RIC3: variants seen among roughly 807,000 people sequenced by gnomAD.
RIC3 encodes protein RIC-3.
RIC3 carries 28 observed loss-of-function variants against 27.3 expected under a neutral mutation model. That is an observed-to-expected ratio of 1.02 (90% CI 0.76 to 1.41). The LOEUF (loss-of-function observed/expected upper bound fraction) is 1.41. Among genes scored for constraint, RIC3 ranks in the 40% most tolerant of loss-of-function variants. The probability of loss-of-function intolerance (pLI) is 0.00; values close to 1 mark genes in which losing one functional copy is unlikely to be tolerated. For synonymous variants in RIC3, 184 were observed against 160.4 expected, an observed-to-expected ratio of 1.15 and a Z score of -1.11; for missense variants, 501 against 444.7, an observed-to-expected ratio of 1.13 and a Z score of -1.14.
At chr11:8,131,485 A>C (rs1947696705) in intron 4 of RIC3, among the ~76,000 whole-genome samples, 1 of 152,204 alleles carries the variant, frequency 6.6e-6, no homozygotes, top group African/African-American at 2.4e-5. Flanking sequence ...TTATATGATG[A>C]GGCTAAAGGT....
intron 5 of RIC3, among the ~76,000 whole-genome samples, chr11:8,112,076 C>T (rs1224598684): frequency 6.6e-6 from 1 of 152,104 alleles, no homozygotes; most frequent in Admixed American, 6.5e-5. Flanking sequence ...TTTTTTGGTG[C>T]AATGTAGGGT....
At chr11:8,167,062 A>G (rs986041429) in intron 1 of RIC3, among the ~76,000 whole-genome samples, 13 of 152,218 alleles carry the variant, frequency 8.5e-5, no homozygotes, top group Non-Finnish European at 2.9e-5. Flanking sequence ...TGTACCATTC[A>G]AGGTAAGTTT....
At chr11:8,155,791 C>A (rs1440225025) in intron 1 of RIC3, among the ~76,000 whole-genome samples, 1 of 151,952 alleles carries the variant, frequency 6.6e-6, no homozygotes, top group Non-Finnish European at 1.5e-5. Context: ...ATAGAAACAG[C>A]GGTTCAAGAA....
chr11:8,163,058 C>T (rs1196765345), intron 1 of RIC3, among the ~76,000 whole-genome samples: 2 of 149,214 alleles, frequency 1.3e-5, no homozygotes, highest in Non-Finnish European at 3.0e-5. Context: ...CACATACACA[C>T]ACACACACAC....
chr11:8,139,636 ATTTTTTTTTTTT>A (rs72265360), intron 2 of RIC3: 968 of 92,724 alleles, frequency 0.01, 18 homozygotes, highest in Non-Finnish European at 0.015. Flanking sequence ...AAAGATGTTA[ATTTTTTTTTTTT>A]TTTTTTTTTT....
At chr11:8,138,402 G>T in intron 2 of RIC3, 55 bp from the exon 3 acceptor site, 1 of 1,126,000 alleles carries the variant, frequency 8.9e-7, no homozygotes, top group Non-Finnish European at 1.3e-6. Context: ...CTCAGTCACG[G>T]AACCCCTCAT....
intron 5 of RIC3, among the ~76,000 whole-genome samples, chr11:8,114,241 A>T (rs1387887241): frequency 6.6e-6 from 1 of 152,216 alleles, no homozygotes; most frequent in East Asian, 1.9e-4. Flanking sequence ...AGCCATGAGG[A>T]TCAAGAACAA....
chr11:8,101,864 A>T, downstream of RIC3: 1 of 554,434 alleles, frequency 1.8e-6, no homozygotes, highest in Non-Finnish European at 3.1e-6. Context: ...ATGCCACGAG[A>T]TCAACACACA....
At chr11:8,095,365 A>G in the RIC3 span, 1 of 893,536 alleles carries the variant, frequency 1.1e-6, no homozygotes, top group Non-Finnish European at 1.7e-6. Flanking sequence ...TTAGTTTTAT[A>G]AAAATCACTT....
intron 1 of RIC3, among the ~76,000 whole-genome samples, chr11:8,155,347 G>A (rs1001067783): frequency 1.3e-5 from 2 of 152,096 alleles, no homozygotes; most frequent in African/African-American, 2.4e-5. Flanking sequence ...AGGCCAAGGC[G>A]GGCAGATCAC....
intron 4 of RIC3, among the ~76,000 whole-genome samples, chr11:8,133,497 G>C (rs571634465): frequency 6.6e-6 from 1 of 152,306 alleles, no homozygotes; most frequent in South Asian, 2.1e-4. Flanking sequence ...AGAGCCAGGA[G>C]CCATGCTCTT....
At chr11:8,114,436 C>T (rs1342669096) in intron 5 of RIC3, among the ~76,000 whole-genome samples, 1 of 151,918 alleles carries the variant, frequency 6.6e-6, no homozygotes, top group Non-Finnish European at 1.5e-5. Flanking sequence ...AAAATCCTAT[C>T]TCTACTAAAA....
chr11:8,098,821 A>G, the RIC3 span: 5 of 1,614,210 alleles, frequency 3.1e-6, no homozygotes, highest in Non-Finnish European at 2.5e-6. Flanking sequence ...AGAAGGCCTC[A>G]TCCTCCACTT....
chr11:8,148,928 C>T (rs1949974785), intron 1 of RIC3, among the ~76,000 whole-genome samples: 1 of 151,628 alleles, frequency 6.6e-6, no homozygotes, highest in African/African-American at 2.4e-5. Flanking sequence ...CACCTGTAAT[C>T]CCAGCACTTT....
At chr11:8,144,841 T>TA (rs1159690450) in intron 1 of RIC3, among the ~76,000 whole-genome samples, 1 of 151,972 alleles carries the variant, frequency 6.6e-6, no homozygotes, top group African/African-American at 2.4e-5. Flanking sequence ...CATGGAATAC[T>TA]ATGCAGCCAT....
intron 5 of RIC3, among the ~76,000 whole-genome samples, chr11:8,112,294 C>CT (rs11376341): frequency 0.29 from 36,021 of 124,126 alleles, 4,566 homozygotes; most frequent in East Asian, 0.43. Context: ...CTTTTCTTTT[C>CT]TTTTTTTTTT....
downstream of RIC3, chr11:8,104,794 A>C (rs143731259): frequency 2.6e-5 from 4 of 152,330 alleles, no homozygotes; most frequent in East Asian, 7.7e-4. Flanking sequence ...GTTCAGAGGA[A>C]GCACATAATG....
Position 8,126,808 on chromosome 11 carries a change from C to A in RIC3, c.522-1G>T. 1 of 1,614,004 alleles carries A rather than the reference C, an allele frequency of 6.2e-7. No homozygotes were observed. The highest frequency in any genetic ancestry group is 8.5e-7 in the Non-Finnish European group (1 of 1,180,014). ...GTCAGAAGTCACAGTCTGTGCTCTG[C>A]TTAGAAATATCAGACAATCCAACCA... On this transcript the variant is annotated splice_acceptor_variant, in intron 4 of 5. Coordinates refer to ENST00000309737, the MANE Select transcript of RIC3 (RefSeq NM_001206671.4). LOFTEE classifies it high-confidence loss of function.
At chr11:8,132,194 T>C (rs1947820003) in intron 4 of RIC3, among the ~76,000 whole-genome samples, 1 of 152,182 alleles carries the variant, frequency 6.6e-6, no homozygotes, top group Non-Finnish European at 1.5e-5. Context: ...CAGAAAGGAA[T>C]ACAGCCTGTG....
Sources: allele counts gnomAD v4.1 joint callset (sites outside exome capture counted in the v4.1 genomes callset), GRCh38; gene constraint gnomAD v4.1.1; transcripts MANE v1.5; gene names NCBI Gene and HGNC (gene_info 2026-07-23, HGNC 2026-07-21).